IL21R: variants seen among roughly 807,000 people sequenced by gnomAD.
IL21R encodes interleukin-21 receptor.
In IL21R, 14 loss-of-function variants were observed where a neutral mutation model predicts 41.3. The ratio of observed to expected loss-of-function variants is 0.34; its 90% CI spans 0.22 to 0.53. The LOEUF is 0.53. IL21R is among the 20% of genes least tolerant of loss of function. The probability of loss-of-function intolerance (pLI) is 0.94; values close to 1 mark genes in which losing one functional copy is unlikely to be tolerated. For missense variants in IL21R, 588 were observed against 681.6 expected, an observed-to-expected ratio of 0.86 and a Z score of 1.53; for synonymous variants, 286 against 287.6, an observed-to-expected ratio of 0.99 and a Z score of 0.05.
chr16:27,441,085 A>AAGGG (rs1238422172), intron 4 of IL21R, among the ~76,000 whole-genome samples: 2 of 145,544 alleles, frequency 1.4e-5, no homozygotes, highest in East Asian at 2.2e-4. Flanking sequence ...AGAAAAAAGA[A>AAGGG]AGGGAGGGAG....
chr16:27,407,296 A>G (rs2086762928), intron 1 of IL21R, among the ~76,000 whole-genome samples: 1 of 152,194 alleles, frequency 6.6e-6, no homozygotes, highest in South Asian at 2.1e-4. Flanking sequence ...ACACAGAGAC[A>G]TTTACAAAAC....
chr16:27,439,038 G>T (rs760319094), intron 4 of IL21R, among the ~76,000 whole-genome samples: 1 of 152,072 alleles, frequency 6.6e-6, no homozygotes, highest in Non-Finnish European at 1.5e-5. Flanking sequence ...CCATGAGCTC[G>T]GGAGTTTCTG....
intron 1 of IL21R, among the ~76,000 whole-genome samples, chr16:27,416,405 T>C (rs561553183): frequency 2.0e-5 from 3 of 152,294 alleles, no homozygotes; most frequent in Non-Finnish European, 4.4e-5. Context: ...CCCAGAGTGC[T>C]GGGATTACAG....
At chr16:27,403,455 G>T (rs542560297) in intron 1 of IL21R, among the ~76,000 whole-genome samples, 3 of 152,176 alleles carry the variant, frequency 2.0e-5, no homozygotes, top group South Asian at 2.1e-4. Flanking sequence ...TGATTCCCTG[G>T]GGGGAGAGTG....
rs540943985 is a variant in IL21R, at chr16:27,417,888, C to T, written c.-16-12168C>T. ...TTAAGTGCTGAGGGAATGTGAAGGC[C>T]CAGGACATTGCTGTACACTCCTGTA... On this transcript the variant is annotated intron_variant, in intron 1 of 8. Coordinates refer to ENST00000337929, the MANE Select transcript of IL21R (RefSeq NM_181078.3). Among the ~76,000 whole-genome samples, 16 of 152,062 alleles carry T rather than the reference C, an allele frequency of 1.1e-4. No individual in the cohort carries two copies. In the South Asian group the frequency reaches 2.9e-3, roughly 28 times the overall value.
chr16:27,424,969 G>A (rs1173283875), intron 1 of IL21R, among the ~76,000 whole-genome samples: 2 of 152,048 alleles, frequency 1.3e-5, no homozygotes, highest in African/African-American at 4.8e-5. Context: ...AGGGGGAGGC[G>A]CCACGCACTT....
At chr16:27,403,777 A>G (rs2086698298) in intron 1 of IL21R, among the ~76,000 whole-genome samples, 1 of 152,130 alleles carries the variant, frequency 6.6e-6, no homozygotes, top group Non-Finnish European at 1.5e-5. Context: ...AGGGGGAGCG[A>G]CACACTCAGG....
At chr16:27,405,539 G>A (rs973701222) in intron 1 of IL21R, among the ~76,000 whole-genome samples, 13 of 152,182 alleles carry the variant, frequency 8.5e-5, no homozygotes, top group Admixed American at 6.5e-4. Context: ...TCAGGGAACC[G>A]TCTAGAAGGG....
At chr16:27,443,266 T>G in intron 5 of IL21R, 150 bp downstream of exon 5, 1 of 608,320 alleles carries the variant, frequency 1.6e-6, no homozygotes, top group Non-Finnish European at 2.7e-6. Flanking sequence ...CAGCGGGCCC[T>G]CCTCCTCCCC....
chr16:27,405,630 C>T (rs1028705282), intron 1 of IL21R, among the ~76,000 whole-genome samples: 14 of 152,342 alleles, frequency 9.2e-5, no homozygotes, highest in Admixed American at 7.8e-4. Context: ...ACATGCCCTC[C>T]TTCCCTGCCC....
rs1267290558 is a variant in IL21R at position 27,443,065 on chromosome 16, C to A, written c.456C>A (p.Gly152=). ...YEDPAFYMLK[G]KLQYELQYRN... ...ACCCTGCCTTCTACATGCTGAAGGG[C>A]AAGCTTCAGTATGAGCTGCAGTACA... The change falls in exon 5 of 9, where the codon GGC becomes GGA. Residue 152 remains glycine (G), a synonymous_variant. Transcript: ENST00000337929. 2 of 1,613,868 alleles carry A rather than the reference C, an allele frequency of 1.2e-6. No individual in the cohort carries two copies. The highest frequency in any genetic ancestry group is 8.5e-7 in the Non-Finnish European group (1 of 1,179,844).
intron 3 of IL21R, among the ~76,000 whole-genome samples, chr16:27,436,857 G>A (rs1204553832): frequency 2.6e-5 from 4 of 152,166 alleles, no homozygotes; most frequent in Non-Finnish European, 4.4e-5. Flanking sequence ...CAGATCACTT[G>A]AGCCCAGGAG....
rs1404118730 is a variant in IL21R, at chr16:27,442,932, C to T, written c.353-30C>T. The T allele has an allele frequency of 2.6e-6, 4 of 1,557,866 alleles. No individual in the cohort carries two copies. In the African/African-American group the frequency reaches 5.5e-5, roughly 21 times the overall value. ...TTTCACCTGCAGCAAATTCTCACCC[C>T]ATTTTCTTTTCCTGGGTTTTTCCAC... On this transcript the variant is annotated intron_variant, in intron 4 of 8. Coordinates refer to ENST00000337929, the MANE Select transcript of IL21R (RefSeq NM_181078.3).
intron 4 of IL21R, 113 bp downstream of exon 4, chr16:27,437,800 C>A: frequency 2.5e-6 from 2 of 808,594 alleles, no homozygotes; most frequent in Non-Finnish European, 2.1e-6. Context: ...GTAGCTGGGA[C>A]AACAGGTGTA....
rs771285932 is a variant in IL21R at position 27,448,771 on chromosome 16, C to T, written c.1105C>T (p.Arg369Trp). 12 of 1,613,488 alleles carry T rather than the reference C, an allele frequency of 7.4e-6. No homozygotes were observed. Among genetic ancestry groups the T allele is most frequent in the South Asian group, 2.2e-5 (2 of 91,094 alleles). ...CTCAGCTTACAGTGAGGAGAGGGAT[C>T]GGCCATACGGCCTGGTGTCCATTGA... ...GGSAYSEERD[R>W]PYGLVSIDTV... The change falls in exon 9 of 9, where the codon CGG becomes TGG. Residue 369 changes from arginine (R) to tryptophan (W), a missense_variant. Physicochemically the swap from Arg to Trp is moderately radical, Grantham distance 101 (BLOSUM62 -3). Transcript: ENST00000337929.
At chr16:27,437,382 C>A in intron 3 of IL21R, 106 bp from the exon 4 acceptor site, 1 of 925,238 alleles carries the variant, frequency 1.1e-6, no homozygotes, top group Non-Finnish European at 1.7e-6. Context: ...TCAAATCCCT[C>A]CCAGCCCTGA....
chr16:27,443,154 G>C, intron 5 of IL21R, 38 bp downstream of exon 5: 3 of 1,549,270 alleles, frequency 1.9e-6, no homozygotes, highest in Non-Finnish European at 2.6e-6. Flanking sequence ...TTGTGGGAGG[G>C]GAGGGGAGAT....
chr16:27,403,017 A>G (rs941044581), intron 1 of IL21R: 12 of 433,190 alleles, frequency 2.8e-5, no homozygotes, highest in African/African-American at 2.2e-4. Context: ...GTCAGTTTCT[A>G]TGTCTTACCA....
chr16:27,439,728 ATT>A (rs2087346873), intron 4 of IL21R, among the ~76,000 whole-genome samples: 1 of 152,050 alleles, frequency 6.6e-6, no homozygotes, highest in African/African-American at 2.4e-5. Flanking sequence ...GAATCCAAGC[ATT>A]TCTCTCTGGC....
Sources: allele counts gnomAD v4.1 joint callset (sites outside exome capture counted in the v4.1 genomes callset), GRCh38; gene constraint gnomAD v4.1.1; transcripts MANE v1.5; gene names NCBI Gene and HGNC (gene_info 2026-07-23, HGNC 2026-07-21).